HSDL2: variants seen among roughly 807,000 people sequenced by gnomAD.
The protein encoded by HSDL2 is hydroxysteroid dehydrogenase-like protein 2.
Under a neutral mutation model 46.3 loss-of-function variants are expected in HSDL2, and 27 were observed. That is an observed-to-expected ratio of 0.58 (90% CI 0.43 to 0.80). HSDL2 has a LOEUF of 0.80. HSDL2 is among the 30% of genes least tolerant of loss of function. The probability of loss-of-function intolerance (pLI) is 0.00; values close to 1 mark genes in which losing one functional copy is unlikely to be tolerated. For synonymous variants in HSDL2, 153 were observed against 163.6 expected (o/e 0.94, Z 0.50); for missense variants, 451 against 502.7 (o/e 0.90, Z 0.98).
intron 6 of HSDL2, among the ~76,000 whole-genome samples, chr9:112,419,179 T>TC (rs1344260091): frequency 2.0e-5 from 3 of 150,342 alleles, no homozygotes; most frequent in Admixed American, 6.6e-5. Flanking sequence ...TGGCTAATTT[T>TC]TGTATTTTTA....
chr9:112,466,075 T>C (rs1459248375), intron 10 of HSDL2, among the ~76,000 whole-genome samples: 1 of 152,244 alleles, frequency 6.6e-6, no homozygotes, highest in East Asian at 1.9e-4. Context: ...TTATTTTGTT[T>C]TTTCATTATT....
At position 112,438,547 on chromosome 9, in the gene HSDL2, A is replaced by G; in HGVS notation, c.715A>G (p.Thr239Ala). ...YSIFQKPKSF[T>A]GNFVIDENIL... The stretch of plus-strand genomic sequence containing the variant: ...CATTTTCCAAAAGCCAAAAAGTTTT[A>G]CTGGCAACTTTGTCATTGATGAAAA... The change falls in exon 7 of 11, where the codon ACT (threonine) becomes GCT (alanine). Residue 239 changes from threonine to alanine, a missense_variant. Coordinates refer to ENST00000398805, the MANE Select transcript of HSDL2 (RefSeq NM_032303.5). 2 of 1,612,592 alleles carry G rather than the reference A, an allele frequency of 1.2e-6. No individual in the cohort carries two copies. Among genetic ancestry groups the G allele is most frequent in the South Asian group, 2.2e-5 (2 of 90,650 alleles).
At chr9:112,386,773 ACT>A (rs1243153571) in intron 1 of HSDL2, among the ~76,000 whole-genome samples, 1 of 152,110 alleles carries the variant, frequency 6.6e-6, no homozygotes, top group Non-Finnish European at 1.5e-5. Flanking sequence ...ACAAAGGGAG[ACT>A]CTCTCAAAAA....
At chr9:112,418,438 C>G (rs1832043613) in intron 5 of HSDL2, among the ~76,000 whole-genome samples, 1 of 151,556 alleles carries the variant, frequency 6.6e-6, no homozygotes, top group Admixed American at 6.6e-5. Context: ...GAAAAATTAG[C>G]CAGGCTTGGT....
chr9:112,403,867 T>TG, intron 1 of HSDL2, 128 bp from the exon 2 acceptor site: 1 of 853,552 alleles, frequency 1.2e-6, no homozygotes, highest in Non-Finnish European at 1.9e-6. Flanking sequence ...CAGATGGGCA[T>TG]GGGGAGGGTT....
rs10981394 is a variant in HSDL2 at position 112,405,610 on chromosome 9, A to T, written c.182-14A>T. 1.3e-6 allele frequency: 2 copies of T among 1,554,224 alleles called. No individual in the cohort carries two copies. The highest frequency in any genetic ancestry group is 1.8e-5 in the Admixed American group (1 of 54,504). ...ATGCTTTAACGCTTTTTCATTTTGT[A>T]TCCTTTATATAAGTTGAAGCAGTTG... On this transcript the variant is annotated splice_polypyrimidine_tract_variant and intron_variant, in intron 2 of 10. Transcript: ENST00000398805.
At chr9:112,401,879 A>T (rs1831608214) in intron 1 of HSDL2, among the ~76,000 whole-genome samples, 1 of 152,124 alleles carries the variant, frequency 6.6e-6, no homozygotes, top group South Asian at 2.1e-4. Context: ...GCTATATTTC[A>T]TGAAAAATAA....
intron 5 of HSDL2, 53 bp from the exon 6 acceptor site, chr9:112,418,806 TA>T (rs1241826582): frequency 1.8e-5 from 18 of 1,017,298 alleles, no homozygotes; most frequent in Non-Finnish European, 1.3e-5. Context: ...ACTCACAAGT[TA>T]ATCAAATTAA....
intron 1 of HSDL2, among the ~76,000 whole-genome samples, chr9:112,391,348 C>G (rs1247221161): frequency 6.6e-6 from 1 of 151,808 alleles, no homozygotes; most frequent in African/African-American, 2.4e-5. Flanking sequence ...TGGCATGCAC[C>G]CGTAGTTCCA....
At chr9:112,455,094 A>T (rs937219576) in intron 9 of HSDL2, among the ~76,000 whole-genome samples, 1 of 151,726 alleles carries the variant, frequency 6.6e-6, no homozygotes, top group Non-Finnish European at 1.5e-5. Flanking sequence ...GCTGCCAGGG[A>T]TGGTGGCGTG....
chr9:112,387,018 A>C (rs1043649791), intron 1 of HSDL2, among the ~76,000 whole-genome samples: 10 of 152,218 alleles, frequency 6.6e-5, no homozygotes, highest in Non-Finnish European at 7.3e-5. Context: ...TTGGATCCTG[A>C]TTTGATCAGG....
intron 7 of HSDL2, among the ~76,000 whole-genome samples, chr9:112,441,053 A>T (rs1407834058): frequency 2.0e-5 from 3 of 151,854 alleles, no homozygotes; most frequent in Non-Finnish European, 4.4e-5. Flanking sequence ...AATAAAAATT[A>T]GCTGGATATG....
chr9:112,390,207 C>G (rs935861903), intron 1 of HSDL2, among the ~76,000 whole-genome samples: 1 of 151,894 alleles, frequency 6.6e-6, no homozygotes. Context: ...GTTATTAAGA[C>G]TGATAAAGCT....
chr9:112,430,929 G>A (rs1832375235), intron 6 of HSDL2, among the ~76,000 whole-genome samples: 1 of 151,764 alleles, frequency 6.6e-6, no homozygotes, highest in Admixed American at 6.6e-5. Flanking sequence ...ACGCGTGCCT[G>A]TAGTCCCATC....
intron 9 of HSDL2, among the ~76,000 whole-genome samples, chr9:112,455,277 T>C (rs1047485786): frequency 6.8e-6 from 1 of 147,396 alleles, no homozygotes; most frequent in Non-Finnish European, 1.5e-5. Context: ...ATAAAATTCG[T>C]GTTAAAAAAA....
At chr9:112,415,161 T>A (rs1303456090) in intron 4 of HSDL2, among the ~76,000 whole-genome samples, 1 of 152,202 alleles carries the variant, frequency 6.6e-6, no homozygotes, top group Non-Finnish European at 1.5e-5. Flanking sequence ...AGTGACTTTT[T>A]AAAAATAAAG....
At chr9:112,416,415 G>A (rs1451083148) in intron 4 of HSDL2, among the ~76,000 whole-genome samples, 4 of 149,278 alleles carry the variant, frequency 2.7e-5, no homozygotes, top group African/African-American at 9.9e-5. Context: ...GCAACAGAGA[G>A]ACCCTGTCTT....
chr9:112,462,404 A>G (rs1178624137), intron 10 of HSDL2, among the ~76,000 whole-genome samples: 4 of 151,134 alleles, frequency 2.6e-5, no homozygotes, highest in African/African-American at 9.7e-5. Context: ...CGGAGGTTGC[A>G]GTGAGCTGAG....
chr9:112,425,548 C>T (rs1191946974), intron 6 of HSDL2, among the ~76,000 whole-genome samples: 1 of 152,092 alleles, frequency 6.6e-6, no homozygotes, highest in Admixed American at 6.6e-5. Flanking sequence ...AAATAGATTT[C>T]CATAATCTGT....
Sources: gnomAD v4.1 joint callset for allele counts (sites outside exome capture counted in the v4.1 genomes callset) on GRCh38, gnomAD v4.1.1 for gene constraint, MANE v1.5 for transcripts, NCBI Gene and HGNC (gene_info 2026-07-23, HGNC 2026-07-21) for gene names.